The following PIK3C2A variants were observed in gnomAD, a reference collection of about 807,000 sequenced individuals.
The protein encoded by PIK3C2A is phosphatidylinositol 4-phosphate 3-kinase C2 domain-containing subunit alpha.
In PIK3C2A, 97 loss-of-function variants were observed where a neutral mutation model predicts 204.5. The ratio of observed to expected loss-of-function variants is 0.47; its 90% CI spans 0.40 to 0.56. The LOEUF (loss-of-function observed/expected upper bound fraction) is 0.56. PIK3C2A is among the 20% of genes least tolerant of loss of function. The probability of loss-of-function intolerance (pLI) is 0.00; values close to 1 mark genes in which losing one functional copy is unlikely to be tolerated. For synonymous variants in PIK3C2A, 653 were observed against 664.4 expected, an observed-to-expected ratio of 0.98 and a Z score of 0.26; for missense variants, 1,735 against 1,969.2, an observed-to-expected ratio of 0.88 and a Z score of 2.25.
chr11:17,109,338 A>T (rs1347559267), intron 22 of PIK3C2A, among the ~76,000 whole-genome samples: 2 of 152,202 alleles, frequency 1.3e-5, no homozygotes, highest in East Asian at 3.8e-4. Flanking sequence ...ATATATTCTT[A>T]CCATTTTATA....
intron 21 of PIK3C2A, among the ~76,000 whole-genome samples, chr11:17,111,708 C>G (rs1849004986): frequency 6.6e-6 from 1 of 151,546 alleles, no homozygotes; most frequent in African/African-American, 2.4e-5. Flanking sequence ...GAAACCCTGT[C>G]TGTACTAAAA....
intron 1 of PIK3C2A, among the ~76,000 whole-genome samples, chr11:17,200,722 T>C (rs2137581425): frequency 6.6e-6 from 1 of 152,324 alleles, no homozygotes; most frequent in South Asian, 2.1e-4. Context: ...TTTTTGTAAT[T>C]CATCTGTTTT....
At chr11:17,187,869 G>GAGACACCTTAGGGGACTATCATGACAAA (rs1187441622) in intron 1 of PIK3C2A, among the ~76,000 whole-genome samples, 1 of 152,008 alleles carries the variant, frequency 6.6e-6, no homozygotes, top group Non-Finnish European at 1.5e-5. Flanking sequence ...TGGAAAGGAA[G>GAGACACCTTAGGGGACTATCATGACAAA]AGACACCTTA....
At chr11:17,187,522 C>T (rs1322829640) in intron 1 of PIK3C2A, among the ~76,000 whole-genome samples, 1 of 152,124 alleles carries the variant, frequency 6.6e-6, no homozygotes, top group Non-Finnish European at 1.5e-5. Flanking sequence ...AAACCCTGCA[C>T]CCATTAGCAG....
intron 1 of PIK3C2A, among the ~76,000 whole-genome samples, chr11:17,190,982 A>G (rs1851920560): frequency 6.6e-6 from 1 of 152,208 alleles, no homozygotes; most frequent in African/African-American, 2.4e-5. Flanking sequence ...AAAACCAAGA[A>G]GTTCAGTGAA....
intron 13 of PIK3C2A, among the ~76,000 whole-genome samples, chr11:17,125,704 A>G (rs888918162): frequency 6.6e-6 from 1 of 152,114 alleles, no homozygotes; most frequent in African/African-American, 2.4e-5. Flanking sequence ...TTTTTAGTAG[A>G]GACAGGGTTT....
chr11:17,205,684 A>T (rs1328394448), intron 1 of PIK3C2A, among the ~76,000 whole-genome samples: 1 of 152,172 alleles, frequency 6.6e-6, no homozygotes, highest in Non-Finnish European at 1.5e-5. Flanking sequence ...GGACATGGGA[A>T]TTAATGCAAG....
intron 1 of PIK3C2A, among the ~76,000 whole-genome samples, chr11:17,202,259 GAA>G (rs551023337): frequency 2.2e-5 from 2 of 92,834 alleles, no homozygotes. Flanking sequence ...TTCATCTCCA[GAA>G]AAAAAAAAAA....
In PIK3C2A at chr11:17,105,295, C is replaced by T; in HGVS notation, c.3555G>A (p.Glu1185=). The change falls in exon 23 of 33, where the codon GAG becomes GAA. Residue 1185 remains glutamate, a synonymous_variant. Coordinates refer to ENST00000691414, the MANE Select transcript of PIK3C2A (RefSeq NM_002645.4). ...TGAGGGTATCGGAAGCAGGAACCAG[C>T]TCCACCATGCCTTTAATGATAAAAT... is the stretch of plus-strand genomic sequence containing the variant. The part of the protein sequence containing the change: ...LSTGRDRGMV[E]LVPASDTLRK... 1 of 1,609,226 alleles carries T rather than the reference C, an allele frequency of 6.2e-7. No homozygotes were observed. The highest frequency in any genetic ancestry group is 8.5e-7 in the Non-Finnish European group (1 of 1,177,958).
chr11:17,118,907 C>G (rs953127020), intron 17 of PIK3C2A, among the ~76,000 whole-genome samples, 168 bp from the exon 18 acceptor site: 2 of 152,116 alleles, frequency 1.3e-5, no homozygotes, highest in Admixed American at 1.3e-4. Context: ...TAATTTAAAT[C>G]AAACACAAAA....
Position 17,092,178 on chromosome 11 carries a change from G to T in PIK3C2A, c.4550C>A (p.Ala1517Asp). 1 of 1,588,192 alleles carries T rather than the reference G, an allele frequency of 6.3e-7. No homozygotes were observed. Among genetic ancestry groups the T allele is most frequent in the Non-Finnish European group, 8.6e-7 (1 of 1,156,306 alleles). ...GGTTACCTCTGCTACATCCGTTGAA[G>T]CATTCATCAAACTCTGTAAGTAACT... ...LNSYLQSLMNASTDVAECDLV... is the reference protein window; with the variant it reads ...LNSYLQSLMNDSTDVAECDLV... The change falls in exon 29 of 33, where the codon GCT becomes GAT. Residue 1517 changes from alanine (A) to aspartate (D), a missense_variant. Transcript: ENST00000691414.
intron 12 of PIK3C2A, among the ~76,000 whole-genome samples, chr11:17,130,324 T>C (rs1159543151): frequency 3.9e-5 from 6 of 152,204 alleles, no homozygotes; most frequent in South Asian, 2.1e-4. Context: ...ATAGCAAATG[T>C]TGAAAATAGT....
At chr11:17,201,818 T>C (rs1025849795) in intron 1 of PIK3C2A, among the ~76,000 whole-genome samples, 1 of 152,214 alleles carries the variant, frequency 6.6e-6, no homozygotes, top group Non-Finnish European at 1.5e-5. Context: ...TACTTTTTGC[T>C]ACATGGATTG....
intron 8 of PIK3C2A, among the ~76,000 whole-genome samples, chr11:17,143,832 G>T (rs948426497): frequency 6.6e-6 from 1 of 152,020 alleles, no homozygotes; most frequent in South Asian, 2.1e-4. Flanking sequence ...AGCTACTAGG[G>T]AGGCTGAGGT....
intron 3 of PIK3C2A, among the ~76,000 whole-genome samples, chr11:17,154,768 G>A (rs1049200640): frequency 1.3e-5 from 2 of 152,160 alleles, no homozygotes; most frequent in African/African-American, 2.4e-5. Flanking sequence ...ATTGAAGGAA[G>A]GGGGGATGAT....
chr11:17,103,589 C>G (rs983224030), intron 23 of PIK3C2A, among the ~76,000 whole-genome samples: 1 of 152,024 alleles, frequency 6.6e-6, no homozygotes, highest in African/African-American at 2.4e-5. Context: ...TTAGCACAAA[C>G]CAGGCACTTC....
chr11:17,141,240 T>G (rs1183832665), intron 8 of PIK3C2A: 3 of 151,950 alleles, frequency 2.0e-5, no homozygotes, highest in Non-Finnish European at 1.5e-5. Context: ...TGCCTTTGAT[T>G]TTCTCTTATT....
At chr11:17,195,437 T>C (rs1354051938) in intron 1 of PIK3C2A, among the ~76,000 whole-genome samples, 2 of 140,836 alleles carry the variant, frequency 1.4e-5, no homozygotes, top group East Asian at 2.2e-4. Context: ...ATTAGAAACA[T>C]GGCCAGGTGC....
At chr11:17,132,226 T>C (rs1849718184) in intron 11 of PIK3C2A, among the ~76,000 whole-genome samples, 188 bp from the exon 12 acceptor site, 1 of 152,148 alleles carries the variant, frequency 6.6e-6, no homozygotes, top group Admixed American at 6.5e-5. Flanking sequence ...GAAAAGAGGT[T>C]TGGTAAAGGG....
Sources: allele counts gnomAD v4.1 joint callset (sites outside exome capture counted in the v4.1 genomes callset), GRCh38; gene constraint gnomAD v4.1.1; transcripts MANE v1.5; gene names NCBI Gene and HGNC (gene_info 2026-07-23, HGNC 2026-07-21).